The following NRG1 variants were observed in gnomAD, a reference collection of about 807,000 sequenced individuals.
NRG1 encodes the protein pro-neuregulin-1, membrane-bound isoform.
In NRG1, 18 loss-of-function variants were observed where a neutral mutation model predicts 63.8. The observed-to-expected ratio is 0.28, with a 90% CI of 0.19 to 0.42. NRG1 has a LOEUF of 0.42. NRG1 is among the 10% of genes least tolerant of loss of function. NRG1 has a pLI of 1.00. For missense variants in NRG1, 762 were observed against 814.7 expected (o/e 0.94, Z 0.79); for synonymous variants, 302 against 301.3 (o/e 1.00, Z -0.02).
In NRG1 at chr8:32,578,706, T is replaced by G. The variant is rs954008737; in HGVS notation, c.101-17122T>G. The stretch of plus-strand genomic sequence containing the variant: ...ACTTATTTCAGGATGATTTCCCCCA[T>G]TGCAAATAGATAATTGTTCAATAGA... On this transcript the variant is annotated intron_variant, in intron 1 of 11. Coordinates refer to ENST00000356819, the Ensembl canonical transcript of NRG1. 2.6e-5 allele frequency among the ~76,000 whole-genome samples: 4 copies of G among 152,314 alleles called. No homozygotes were observed. The East Asian group carries it at 7.7e-4, about 29-fold the overall frequency.
At chr8:31,771,385 G>T (rs1818610369) in intron 1 of NRG1, among the ~76,000 whole-genome samples, 1 of 152,072 alleles carries the variant, frequency 6.6e-6, no homozygotes, top group Non-Finnish European at 1.5e-5. Flanking sequence ...GTGTTGAAGG[G>T]CATTTGGGTT....
intron 1 of NRG1, among the ~76,000 whole-genome samples, chr8:31,925,041 A>G (rs1834225980): frequency 6.6e-6 from 1 of 150,978 alleles, no homozygotes; most frequent in African/African-American, 2.4e-5. Context: ...TAAACATTCA[A>G]TTTGCCCTGG....
At chr8:31,674,343 G>C (rs554357878) in intron 1 of NRG1, among the ~76,000 whole-genome samples, 3 of 152,102 alleles carry the variant, frequency 2.0e-5, no homozygotes, top group Non-Finnish European at 4.4e-5. Flanking sequence ...ACATGTTACA[G>C]TTCTACCCGC....
intron 1 of NRG1, among the ~76,000 whole-genome samples, chr8:32,463,654 C>T (rs12056727): frequency 0.31 from 47,125 of 151,550 alleles, 7,562 homozygotes; most frequent in South Asian, 0.35. Flanking sequence ...CCAGCCAGGG[C>T]AACATAGTGA....
intron 1 of NRG1, among the ~76,000 whole-genome samples, chr8:32,493,093 C>G (rs551339562): frequency 6.6e-6 from 1 of 152,084 alleles, no homozygotes; most frequent in Non-Finnish European, 1.5e-5. Context: ...GCAACTTTAC[C>G]GTGCTTACCC....
intron 1 of NRG1, among the ~76,000 whole-genome samples, chr8:32,203,084 TGGAA>T (rs1395694321): frequency 6.6e-6 from 1 of 151,808 alleles, no homozygotes; most frequent in African/African-American, 2.4e-5. Context: ...TATCAAATAC[TGGAA>T]TTTGGCTTCT....
At chr8:32,237,961 A>G (rs925331072) in intron 1 of NRG1, among the ~76,000 whole-genome samples, 2 of 152,174 alleles carry the variant, frequency 1.3e-5, no homozygotes, top group African/African-American at 4.8e-5. Context: ...GCAAATATCC[A>G]TGGAAAAAAT....
At position 32,071,122 on chromosome 8, in the gene NRG1, G is replaced by A. The variant is rs532498734; in HGVS notation, c.37+431691G>A. 5.3e-5 allele frequency among the ~76,000 whole-genome samples: 8 copies of A among 152,152 alleles called. No homozygotes were observed. The South Asian group carries it at 1.5e-3, about 28-fold the overall frequency. ...GCCCATCATTCTCTCAGCCTCCACC[G>A]TAGCACTTCTCATGACTGGTGCTTG... On this transcript the variant is annotated intron_variant, in intron 1 of 10. Coordinates refer to the NRG1 transcript ENST00000519301.
chr8:31,850,888 A>G (rs1159776273), intron 1 of NRG1, among the ~76,000 whole-genome samples: 1 of 152,190 alleles, frequency 6.6e-6, no homozygotes, highest in Non-Finnish European at 1.5e-5. Context: ...AGAGACTATC[A>G]TATGTCTCTA....
intron 1 of NRG1, among the ~76,000 whole-genome samples, chr8:31,818,779 T>C (rs1051336557): frequency 3.9e-5 from 6 of 152,048 alleles, no homozygotes; most frequent in South Asian, 4.2e-4. Flanking sequence ...AAACTTAGGC[T>C]GGGCGCGGTG....
At chr8:32,299,789 A>C (rs1290329328) in intron 1 of NRG1, among the ~76,000 whole-genome samples, 2 of 152,104 alleles carry the variant, frequency 1.3e-5, no homozygotes, top group Non-Finnish European at 2.9e-5. Context: ...ATACTTATTC[A>C]CTATCACGAG....
chr8:32,168,973 A>G (rs57086312), intron 1 of NRG1, among the ~76,000 whole-genome samples: 51,660 of 151,978 alleles, frequency 0.34, 10,543 homozygotes, highest in African/African-American at 0.58. Flanking sequence ...GCTGAGAGGT[A>G]TTTCCCTAGT....
chr8:32,512,814 T>C (rs944666255), intron 1 of NRG1, among the ~76,000 whole-genome samples: 12 of 152,180 alleles, frequency 7.9e-5, no homozygotes, highest in Non-Finnish European at 1.5e-4. Flanking sequence ...TTTATACTTG[T>C]ATATTGTTTG....
chr8:32,445,433 G>T (rs1820120339), intron 1 of NRG1, among the ~76,000 whole-genome samples: 1 of 152,114 alleles, frequency 6.6e-6, no homozygotes, highest in Non-Finnish European at 1.5e-5. Context: ...GTCCACAAGT[G>T]AATTTCCCCT....
intron 1 of NRG1, among the ~76,000 whole-genome samples, chr8:31,901,047 A>G (rs918690649): frequency 6.6e-6 from 1 of 152,214 alleles, no homozygotes; most frequent in Non-Finnish European, 1.5e-5. Context: ...TTCTACTGGA[A>G]AGGTATCTCT....
At chr8:32,327,259 T>C (rs1280941105) in intron 1 of NRG1, among the ~76,000 whole-genome samples, 1 of 152,216 alleles carries the variant, frequency 6.6e-6, no homozygotes, top group African/African-American at 2.4e-5. Flanking sequence ...ATGTGAACAA[T>C]ATTGACTTAT....
At chr8:32,606,521 G>A (rs1255015129) in intron 3 of NRG1, among the ~76,000 whole-genome samples, 1 of 151,408 alleles carries the variant, frequency 6.6e-6, no homozygotes. Context: ...GAACCACCCC[G>A]ATGGCTTTGT....
chr8:32,178,772 G>A (rs562130609), intron 1 of NRG1, among the ~76,000 whole-genome samples: 1 of 152,126 alleles, frequency 6.6e-6, no homozygotes, highest in South Asian at 2.1e-4. Context: ...ACAAGTTAGC[G>A]ATACATTTAG....
chr8:32,226,692 A>G (rs1230919015), intron 1 of NRG1, among the ~76,000 whole-genome samples: 2 of 152,136 alleles, frequency 1.3e-5, no homozygotes. Context: ...ATAGCATTTG[A>G]TTATAAAGCT....
Sources: gnomAD v4.1 joint callset for allele counts (sites outside exome capture counted in the v4.1 genomes callset) on GRCh38, gnomAD v4.1.1 for gene constraint, MANE v1.5 for transcripts, NCBI Gene and HGNC (gene_info 2026-07-23, HGNC 2026-07-21) for gene names.